TMIE: variants seen among roughly 807,000 people sequenced by gnomAD.
The protein encoded by TMIE is transmembrane inner ear, also known as transmembrane inner ear expressed protein.
TMIE carries 14 observed loss-of-function variants against 16.8 expected under a neutral mutation model. The ratio of observed to expected loss-of-function variants is 0.83; its 90% CI spans 0.55 to 1.30. The LOEUF (loss-of-function observed/expected upper bound fraction) is 1.30, where lower values mean the gene tolerates loss of function less well. Ranked by LOEUF, TMIE falls within the 50% of genes most tolerant of loss-of-function variation. TMIE has a pLI of 0.00. For synonymous variants in TMIE, 75 were observed against 87.2 expected (o/e 0.86, Z 0.78); for missense variants, 204 against 205.9 (o/e 0.99, Z 0.06).
upstream of TMIE, among the ~76,000 whole-genome samples, chr3:46,699,305 G>A (rs190690094): frequency 2.6e-5 from 4 of 152,048 alleles, no homozygotes; most frequent in Admixed American, 6.6e-5. Flanking sequence ...TCCTGACCTC[G>A]GGTGATCTGC....
chr3:46,709,542 C>T (rs1700593961), intron 3 of TMIE, 37 bp from the exon 4 acceptor site: 1 of 1,613,618 alleles, frequency 6.2e-7, no homozygotes, highest in African/African-American at 1.3e-5. Flanking sequence ...GACCTTGTCT[C>T]ACCACTATCA....
At chr3:46,696,821 C>T (rs1212096819), upstream of TMIE, among the ~76,000 whole-genome samples, 2 of 152,194 alleles carry the variant, frequency 1.3e-5, no homozygotes, top group East Asian at 3.9e-4. Context: ...TGCAGACCAG[C>T]ATTCACAGCA....
upstream of TMIE, among the ~76,000 whole-genome samples, chr3:46,700,150 G>A (rs1031174141): frequency 6.6e-6 from 1 of 152,206 alleles, no homozygotes; most frequent in East Asian, 1.9e-4. Flanking sequence ...GCCTGGGGAG[G>A]ACTGGGTGGC....
chr3:46,698,956 C>A (rs1381451695), upstream of TMIE, among the ~76,000 whole-genome samples: 1 of 151,476 alleles, frequency 6.6e-6, no homozygotes, highest in African/African-American at 2.4e-5. Flanking sequence ...GTTAGGATTA[C>A]AGGCATGAGC....
upstream of TMIE, among the ~76,000 whole-genome samples, chr3:46,698,883 AT>A (rs1364651194): frequency 6.6e-6 from 1 of 151,192 alleles, no homozygotes; most frequent in Non-Finnish European, 1.5e-5. Flanking sequence ...GGGTCTCACT[AT>A]ATTGCTTAGG....
At chr3:46,695,907 C>T (rs1700407807) in intron 1 of TMIE, among the ~76,000 whole-genome samples, 1 of 152,176 alleles carries the variant, frequency 6.6e-6, no homozygotes, top group Non-Finnish European at 1.5e-5. Flanking sequence ...TTCCTATCTG[C>T]TAAATGGGGC....
chr3:46,701,246 G>A (rs1700469146), upstream of TMIE: 1 of 405,608 alleles, frequency 2.5e-6, no homozygotes, highest in Non-Finnish European at 4.4e-6. This position sits in a 1 kb window ranked among gnomAD's most constrained non-coding sequence, Gnocchi z 4.3. Context: ...CTGGGGATGC[G>A]GAAGGTGGGG....
chr3:46,707,791 C>T (rs912779179), intron 2 of TMIE, among the ~76,000 whole-genome samples: 2 of 152,196 alleles, frequency 1.3e-5, no homozygotes, highest in African/African-American at 2.4e-5. Flanking sequence ...CCCAGCCTCC[C>T]GGGGCCTGGG....
At chr3:46,703,896 G>A (rs142525275) in intron 1 of TMIE, among the ~76,000 whole-genome samples, 2 of 152,276 alleles carry the variant, frequency 1.3e-5, no homozygotes, top group Non-Finnish European at 2.9e-5. Context: ...GACTTCTCGT[G>A]TCTGTCCTTA....
intron 1 of TMIE, among the ~76,000 whole-genome samples, chr3:46,704,657 C>T (rs1700525941): frequency 6.7e-6 from 1 of 150,302 alleles, no homozygotes; most frequent in Non-Finnish European, 1.5e-5. Context: ...CCTAGACACC[C>T]AGGGCCAGGG....
Position 46,709,270 on chromosome 3 carries a change from C to A in TMIE, c.356C>A (p.Pro119Gln), listed in dbSNP as rs1197837439. The A allele has an allele frequency of 7.4e-6, 12 of 1,614,062 alleles. No homozygotes were observed. Among genetic ancestry groups the A allele is most frequent in the Non-Finnish European group, 8.5e-6 (10 of 1,180,028 alleles). ...CCCCTCAATGAGCTCACAGAAGTCCCAGGAGGTGAGTTGGCCCTGGCTTGA... is the reference window on the plus strand; with the variant it reads ...CCCCTCAATGAGCTCACAGAAGTCCAAGGAGGTGAGTTGGCCCTGGCTTGA... ...VPPLNELTEV[P>Q]GEDKKKKKKK... The change falls in exon 3 of 4, where the codon CCA becomes CAA. Residue 119 changes from proline to glutamine, a missense_variant. Transcript: ENST00000643606.
chr3:46,705,637 G>A (rs1372695798), intron 1 of TMIE, among the ~76,000 whole-genome samples, 153 bp from the exon 2 acceptor site: 2 of 152,226 alleles, frequency 1.3e-5, no homozygotes, highest in South Asian at 2.1e-4. Context: ...AACTTTCCAA[G>A]GTCTAGGGTG....
At chr3:46,693,840 C>G (rs1700325726), upstream of TMIE, 3 of 152,234 alleles carry the variant, frequency 2.0e-5, no homozygotes, top group Admixed American at 1.3e-4. Flanking sequence ...GGTATTGATC[C>G]GTCCCGCCGC....
intron 1 of TMIE, among the ~76,000 whole-genome samples, chr3:46,703,829 G>A (rs1444810963): frequency 6.6e-6 from 1 of 152,168 alleles, no homozygotes; most frequent in Non-Finnish European, 1.5e-5. Context: ...GGACCTGGGG[G>A]AAGAAGGGCT....
upstream of TMIE, among the ~76,000 whole-genome samples, chr3:46,694,073 G>A (rs1291902524): frequency 2.6e-5 from 4 of 152,192 alleles, no homozygotes; most frequent in East Asian, 7.7e-4. Context: ...CTGTGGTGCA[G>A]CCCCGTGACC....
At chr3:46,699,547 T>TA (rs1377024213), upstream of TMIE, among the ~76,000 whole-genome samples, 2 of 152,214 alleles carry the variant, frequency 1.3e-5, no homozygotes, top group East Asian at 1.9e-4. Flanking sequence ...TTGAGTTGGT[T>TA]AAAAAAAGTT....
intron 1 of TMIE, among the ~76,000 whole-genome samples, chr3:46,705,524 A>G (rs1391481591): frequency 6.6e-6 from 1 of 152,186 alleles, no homozygotes; most frequent in African/African-American, 2.4e-5. Flanking sequence ...TGGCCAGGAC[A>G]AGCCATCCAC....
In TMIE at chr3:46,709,811, G is replaced by A. The variant is rs963727108; in HGVS notation, c.*123G>A. The A allele has an allele frequency of 1.9e-6, 3 of 1,560,918 alleles. No individual in the cohort carries two copies. The highest frequency in any genetic ancestry group is 1.4e-5 in the African/African-American group (1 of 73,960). On this transcript the variant is annotated 3_prime_UTR_variant, in exon 4 of 4. Coordinates refer to ENST00000643606, the MANE Select transcript of TMIE (RefSeq NM_147196.3). ...GCTGTGGTCAGAGAGGGAAGCTGAG[G>A]CCCATGGCCACATCCTCATGGCCCA...
upstream of TMIE, among the ~76,000 whole-genome samples, chr3:46,694,087 C>T (rs1027117995): frequency 6.6e-6 from 1 of 152,238 alleles, no homozygotes; most frequent in Non-Finnish European, 1.5e-5. Flanking sequence ...CGTGACCTCC[C>T]GGGTCTGCCC....
Sources: gnomAD v4.1 joint callset for allele counts (sites outside exome capture counted in the v4.1 genomes callset) on GRCh38, gnomAD v4.1.1 for gene constraint, Gnocchi (gnomAD v3.1) non-coding constraint, MANE v1.5 for transcripts, NCBI Gene and HGNC (gene_info 2026-07-23, HGNC 2026-07-21) for gene names.